LARS1: variants seen among roughly 807,000 people sequenced by gnomAD.
The protein encoded by LARS1 is leucine--tRNA ligase, cytoplasmic.
In LARS1, 100 loss-of-function variants were observed where a neutral mutation model predicts 162.8. That is an observed-to-expected ratio of 0.61 (90% CI 0.52 to 0.73). The LOEUF (loss-of-function observed/expected upper bound fraction) is 0.73. Among genes scored for constraint, LARS1 ranks in the 30% least tolerant of loss-of-function variants. LARS1 has a pLI of 0.00. For synonymous variants in LARS1, 457 were observed against 462.8 expected, an observed-to-expected ratio of 0.99 and a Z score of 0.16; for missense variants, 1,258 against 1,408.9, an observed-to-expected ratio of 0.89 and a Z score of 1.71.
intron 27 of LARS1, among the ~76,000 whole-genome samples, chr5:146,128,254 T>C (rs1481147111): frequency 6.6e-6 from 1 of 152,148 alleles, no homozygotes; most frequent in Non-Finnish European, 1.5e-5. Flanking sequence ...CTTCACTTTT[T>C]TCCAAACAAT....
chr5:146,145,734 C>T (rs1414737474), intron 15 of LARS1, among the ~76,000 whole-genome samples: 1 of 152,130 alleles, frequency 6.6e-6, no homozygotes, highest in Admixed American at 6.5e-5. Flanking sequence ...TGCAATTCTT[C>T]ATGCTGAAAT....
At chr5:146,121,612 G>T (rs1751820853) in intron 30 of LARS1, among the ~76,000 whole-genome samples, 1 of 152,172 alleles carries the variant, frequency 6.6e-6, no homozygotes, top group South Asian at 2.1e-4. Context: ...TAAAGAAAAT[G>T]TGGCACATAT....
chr5:146,115,581 CAAAAAAAAAAAA>C (rs58644900), intron 31 of LARS1, among the ~76,000 whole-genome samples: 6 of 20,614 alleles, frequency 2.9e-4, no homozygotes, highest in South Asian at 7.3e-3. Flanking sequence ...AGCGCCTGAC[CAAAAAAAAAAAA>C]AAAAAAAAAA....
At chr5:146,160,547 G>A in intron 6 of LARS1, 61 bp from the exon 7 acceptor site, 1 of 747,212 alleles carries the variant, frequency 1.3e-6, no homozygotes, top group South Asian at 2.0e-5. Flanking sequence ...GTTTAAATAA[G>A]AATTCCTATG....
intron 1 of LARS1, among the ~76,000 whole-genome samples, chr5:146,179,041 G>A (rs1253706834): frequency 6.6e-6 from 1 of 152,142 alleles, no homozygotes; most frequent in African/African-American, 2.4e-5. Context: ...AGACCAGCCT[G>A]GCCAATATGG....
intron 4 of LARS1, among the ~76,000 whole-genome samples, chr5:146,170,440 A>T (rs1754209329): frequency 6.6e-6 from 1 of 151,780 alleles, no homozygotes; most frequent in East Asian, 1.9e-4. Flanking sequence ...ACTGCACTCC[A>T]GACTGAGTGA....
chr5:146,159,748 A>G (rs1301421997), intron 7 of LARS1, among the ~76,000 whole-genome samples: 1 of 152,144 alleles, frequency 6.6e-6, no homozygotes, highest in East Asian at 1.9e-4. Context: ...AATTGACTTA[A>G]CAAATGAAAC....
chr5:146,165,516 GC>G (rs1368501611), intron 5 of LARS1, among the ~76,000 whole-genome samples: 1 of 151,740 alleles, frequency 6.6e-6, no homozygotes, highest in Non-Finnish European at 1.5e-5. Flanking sequence ...GGGTGACAGA[GC>G]AAGACTATGT....
At chr5:146,130,387 A>C (rs1752227161) in intron 24 of LARS1, 1 of 506,194 alleles carries the variant, frequency 2.0e-6, no homozygotes, top group Non-Finnish European at 3.5e-6. Flanking sequence ...TTTTTTACAG[A>C]CAGTTTGTAA....
intron 8 of LARS1, among the ~76,000 whole-genome samples, chr5:146,159,180 C>G (rs980608696): frequency 1.3e-5 from 2 of 152,072 alleles, no homozygotes; most frequent in Non-Finnish European, 2.9e-5. Flanking sequence ...AATGTGCTTT[C>G]CTGTAACAAA....
chr5:146,144,187 G>T, intron 18 of LARS1, 80 bp downstream of exon 18: 1 of 1,011,826 alleles, frequency 9.9e-7, no homozygotes, highest in African/African-American at 1.6e-5. Context: ...AGAATTGAGG[G>T]CAGGGGGGAA....
intron 2 of LARS1, among the ~76,000 whole-genome samples, chr5:146,173,932 C>T (rs993961660): frequency 1.3e-5 from 2 of 151,970 alleles, no homozygotes; most frequent in African/African-American, 4.8e-5. Flanking sequence ...TGCAATTTGC[C>T]TTCTTCACTT....
chr5:146,145,532 A>G (rs758715501), intron 15 of LARS1, among the ~76,000 whole-genome samples: 12 of 152,214 alleles, frequency 7.9e-5, no homozygotes, highest in Non-Finnish European at 1.6e-4. Context: ...TTTTTTACCA[A>G]ATATAAATCT....
chr5:146,160,276 T>A (rs1753723125), intron 7 of LARS1, 98 bp downstream of exon 7: 1 of 573,828 alleles, frequency 1.7e-6, no homozygotes, highest in Admixed American at 4.3e-5. Context: ...CCTCAAGCAA[T>A]CCCCTCACCT....
chr5:146,170,199 G>T (rs1754198935), intron 4 of LARS1, among the ~76,000 whole-genome samples: 1 of 152,188 alleles, frequency 6.6e-6, no homozygotes, highest in African/African-American at 2.4e-5. Context: ...GGGCATAGTG[G>T]GTCAAGCCTG....
intron 4 of LARS1, among the ~76,000 whole-genome samples, chr5:146,170,003 C>T (rs1303395158): frequency 6.6e-6 from 1 of 152,070 alleles, no homozygotes; most frequent in East Asian, 1.9e-4. Context: ...GTATTCTTGT[C>T]AAAATATTTA....
At position 146,130,891 on chromosome 5, in the gene LARS1, T is replaced by G. The variant is rs955103287; in HGVS notation, c.2487+128A>C. On this transcript the variant is annotated intron_variant, in intron 24 of 31. Transcript: ENST00000394434. ...CACAATTTATTGAAGAATTTAAAAT[T>G]TTTCTGGCAGGATTTTCAGTCTACA... 4 of 483,616 alleles carry G rather than the reference T, an allele frequency of 8.3e-6. No individual in the cohort carries two copies. The Admixed American group carries it at 1.6e-4, about 20-fold the overall frequency. 30.0% of individuals were successfully genotyped at this position (483,616 alleles called of 1,614,324 possible). A position where few individuals can be genotyped will look rare whatever the true frequency, so the allele number is the denominator to read the frequency against.
intron 10 of LARS1, among the ~76,000 whole-genome samples, chr5:146,155,417 T>C (rs967769458): frequency 6.6e-6 from 1 of 152,204 alleles, no homozygotes; most frequent in African/African-American, 2.4e-5. Flanking sequence ...TAACAAAATA[T>C]GTTACAAGAA....
At chr5:146,153,151 T>A (rs1753365794) in intron 13 of LARS1, 23 bp downstream of exon 13, 1 of 1,570,756 alleles carries the variant, frequency 6.4e-7, no homozygotes. Flanking sequence ...GATGTGAATA[T>A]TCTGAATTAT....
Sources: allele counts gnomAD v4.1 joint callset (sites outside exome capture counted in the v4.1 genomes callset), GRCh38; gene constraint gnomAD v4.1.1; transcripts MANE v1.5; gene names NCBI Gene and HGNC (gene_info 2026-07-23, HGNC 2026-07-21).